The following HS3ST3A1 variants were observed in gnomAD, a reference collection of about 807,000 sequenced individuals.
HS3ST3A1 encodes the protein heparan sulfate-glucosamine 3-sulfotransferase 3A1, also known as heparan sulfate glucosamine 3-O-sulfotransferase 3A1.
HS3ST3A1 carries 19 observed loss-of-function variants against 25.7 expected under a neutral mutation model. The ratio of observed to expected loss-of-function variants is 0.74; its 90% CI spans 0.52 to 1.08. The LOEUF (loss-of-function observed/expected upper bound fraction) is 1.08. HS3ST3A1 is among the 50% of genes least tolerant of loss of function. The pLI is 0.00. For synonymous variants in HS3ST3A1, 226 were observed against 278.6 expected, an observed-to-expected ratio of 0.81 and a Z score of 1.88; for missense variants, 459 against 594.3, an observed-to-expected ratio of 0.77 and a Z score of 2.37.
chr17:13,571,997 G>C (rs973890528), intron 1 of HS3ST3A1, among the ~76,000 whole-genome samples: 1 of 152,204 alleles, frequency 6.6e-6, no homozygotes, highest in Admixed American at 6.5e-5. Flanking sequence ...GACCTCATGT[G>C]ATCCACCCAC....
intron 1 of HS3ST3A1, among the ~76,000 whole-genome samples, chr17:13,498,195 C>G (rs905717833): frequency 6.6e-6 from 1 of 152,164 alleles, no homozygotes; most frequent in African/African-American, 2.4e-5. Flanking sequence ...TATTCCTGCT[C>G]CCATCTGCAT....
intron 1 of HS3ST3A1, among the ~76,000 whole-genome samples, chr17:13,525,334 CTG>C (rs1906376665): frequency 6.6e-6 from 1 of 151,776 alleles, no homozygotes; most frequent in South Asian, 2.1e-4. Context: ...TTCCTTAAAA[CTG>C]TAATATTAGG....
chr17:13,538,015 A>G (rs978618371), intron 1 of HS3ST3A1, among the ~76,000 whole-genome samples: 9 of 152,192 alleles, frequency 5.9e-5, no homozygotes, highest in Non-Finnish European at 1.0e-4. Context: ...TTCTTTAGCG[A>G]TTGCTTTACT....
intron 1 of HS3ST3A1, among the ~76,000 whole-genome samples, chr17:13,500,479 C>A (rs966748003): frequency 6.6e-6 from 1 of 152,140 alleles, no homozygotes; most frequent in Non-Finnish European, 1.5e-5. Context: ...GCTATGGGAG[C>A]ACGAAGGTGT....
chr17:13,498,282 A>C (rs1905347127), intron 1 of HS3ST3A1, among the ~76,000 whole-genome samples: 1 of 152,168 alleles, frequency 6.6e-6, no homozygotes, highest in Admixed American at 6.6e-5. Context: ...TGATGCAGGT[A>C]CTGGGACTCA....
intron 1 of HS3ST3A1, among the ~76,000 whole-genome samples, chr17:13,581,524 T>C (rs1426723888): frequency 6.7e-6 from 1 of 148,864 alleles, no homozygotes. Context: ...CATAAGCTAA[T>C]AAAATAATAT....
chr17:13,505,906 C>G (rs1033881711), intron 1 of HS3ST3A1, among the ~76,000 whole-genome samples: 2 of 151,648 alleles, frequency 1.3e-5, no homozygotes, highest in African/African-American at 4.8e-5. Context: ...TGCCTGTAAT[C>G]CCAGTACTCA....
chr17:13,589,195 T>C (rs898551072), intron 1 of HS3ST3A1, among the ~76,000 whole-genome samples: 6 of 152,190 alleles, frequency 3.9e-5, no homozygotes, highest in African/African-American at 1.4e-4. Flanking sequence ...CAATCTGTTT[T>C]TAAAAAGTCG....
chr17:13,585,875 A>C (rs1216460616), intron 1 of HS3ST3A1, among the ~76,000 whole-genome samples: 1 of 114,686 alleles, frequency 8.7e-6, no homozygotes, highest in African/African-American at 3.6e-5. Context: ...TTTCTGACAG[A>C]GTCTCGCTCT....
At chr17:13,510,724 A>T (rs1329231951) in intron 1 of HS3ST3A1, among the ~76,000 whole-genome samples, 170 of 136,682 alleles carry the variant, frequency 1.2e-3, no homozygotes, top group African/African-American at 4.3e-3. Flanking sequence ...TTTTTTTTTT[A>T]TACGAAGTCT....
At position 13,496,344 on chromosome 17, in the gene HS3ST3A1, G is replaced by A; in HGVS notation, c.1074C>T (p.Ser358=). The part of the protein sequence containing the change: ...GFPCLKKAEG[S]SRPHCLGKTK... ...TCTTGCCCAGGCAATGGGGCCGGCT[G>A]CTGCCCTCCGCCTTCTTCAGGCAGG... The change falls in exon 2 of 2, where the codon AGC becomes AGT. Residue 358 remains serine (S), a synonymous_variant. Transcript: ENST00000284110. 2 of 1,523,344 alleles carry A rather than the reference G, an allele frequency of 1.3e-6. No individual in the cohort carries two copies. Among genetic ancestry groups the A allele is most frequent in the Non-Finnish European group, 1.8e-6 (2 of 1,119,250 alleles). The allele number at this position is 1,523,344 out of a possible 1,614,324, so 94.4% of individuals were successfully genotyped here. A position where few individuals can be genotyped will look rare whatever the true frequency, so the allele number is the denominator to read the frequency against.
intron 1 of HS3ST3A1, among the ~76,000 whole-genome samples, chr17:13,539,101 T>G (rs760399054): frequency 3.3e-5 from 5 of 152,170 alleles, no homozygotes; most frequent in Non-Finnish European, 7.3e-5. Context: ...GCTGAAGATC[T>G]GGGAGCTGTC....
intron 1 of HS3ST3A1, among the ~76,000 whole-genome samples, chr17:13,515,789 T>A (rs1341992734): frequency 6.6e-6 from 1 of 152,202 alleles, no homozygotes; most frequent in Non-Finnish European, 1.5e-5. Flanking sequence ...TTGCTCCACA[T>A]CCTTGTCAGC....
chr17:13,505,218 T>A (rs1905620560), intron 1 of HS3ST3A1, among the ~76,000 whole-genome samples: 1 of 152,076 alleles, frequency 6.6e-6, no homozygotes. Context: ...ACAAAAATAG[T>A]ATACAGACGA....
chr17:13,505,154 G>T (rs1208170739), intron 1 of HS3ST3A1, among the ~76,000 whole-genome samples: 1 of 152,192 alleles, frequency 6.6e-6, no homozygotes, highest in African/African-American at 2.4e-5. Context: ...AATGCCTAGT[G>T]CGAGAGTATT....
At chr17:13,516,951 G>T (rs1906075237) in intron 1 of HS3ST3A1, among the ~76,000 whole-genome samples, 2 of 152,182 alleles carry the variant, frequency 1.3e-5, no homozygotes, top group African/African-American at 4.8e-5. Context: ...CTCCTAAAGT[G>T]CTGGGATTAC....
chr17:13,595,932 G>A (rs1908564732), intron 1 of HS3ST3A1, among the ~76,000 whole-genome samples: 1 of 152,012 alleles, frequency 6.6e-6, no homozygotes, highest in African/African-American at 2.4e-5. Flanking sequence ...TAAGCATCTG[G>A]TCTATGTGAG....
At chr17:13,548,379 C>A (rs776369143) in intron 1 of HS3ST3A1, among the ~76,000 whole-genome samples, 5 of 152,184 alleles carry the variant, frequency 3.3e-5, no homozygotes, top group Admixed American at 1.3e-4. Flanking sequence ...TCTCTACTCT[C>A]ATCCTCTCAC....
At chr17:13,530,033 T>C (rs371890842) in intron 1 of HS3ST3A1, among the ~76,000 whole-genome samples, 1,181 of 91,394 alleles carry the variant, frequency 0.013, 10 homozygotes, top group African/African-American at 0.043. Flanking sequence ...CACACACACA[T>C]ACACACGGGT....
Sources: allele counts gnomAD v4.1 joint callset (sites outside exome capture counted in the v4.1 genomes callset), GRCh38; gene constraint gnomAD v4.1.1; transcripts MANE v1.5; gene names NCBI Gene and HGNC (gene_info 2026-07-23, HGNC 2026-07-21).